The following KLF8 variants were observed in gnomAD, a reference collection of about 807,000 sequenced individuals.
The protein encoded by KLF8 is Krueppel-like factor 8.
A neutral mutation model predicts 18.2 loss-of-function variants in KLF8; 10 were observed. That is an observed-to-expected ratio of 0.55 (90% CI 0.34 to 0.93). The LOEUF is 0.93. KLF8 is among the 40% of genes least tolerant of loss of function. KLF8 has a pLI of 0.02. For missense variants in KLF8, 264 were observed against 277.9 expected, an observed-to-expected ratio of 0.95 and a Z score of 0.36; for synonymous variants, 109 against 97.3, an observed-to-expected ratio of 1.12 and a Z score of -0.71.
At chrX:56,134,045 C>A in the KLF8 span, among the ~76,000 whole-genome samples, 1 of 111,644 alleles carries the variant, frequency 9.0e-6, no homozygotes, top group Non-Finnish European at 1.9e-5. Flanking sequence ...ACATCTCATG[C>A]TCATGGATGG....
At chrX:56,179,869 A>T in the KLF8 span, among the ~76,000 whole-genome samples, 1 of 111,541 alleles carries the variant, frequency 9.0e-6, no homozygotes, top group Non-Finnish European at 1.9e-5. Flanking sequence ...AAGCTTTTTG[A>T]TGTGCTTCTG....
the KLF8 span, among the ~76,000 whole-genome samples, chrX:56,155,610 T>A: frequency 9.0e-6 from 1 of 111,711 alleles, no homozygotes. Flanking sequence ...ATAATAAAAA[T>A]AAAATTAAAA....
the KLF8 span, among the ~76,000 whole-genome samples, chrX:55,963,235 G>A: frequency 1.8e-5 from 2 of 111,861 alleles, no homozygotes; most frequent in Non-Finnish European, 3.8e-5. Flanking sequence ...ACCTTTCTCA[G>A]CAAAGAATAG....
the KLF8 span, among the ~76,000 whole-genome samples, chrX:56,172,741 A>C: frequency 9.0e-6 from 1 of 111,523 alleles, no homozygotes; most frequent in African/African-American, 3.3e-5. Flanking sequence ...AAGTGTTCCT[A>C]TTTCTCCACA....
chrX:56,193,346 AG>A, the KLF8 span, among the ~76,000 whole-genome samples: 1 of 112,131 alleles, frequency 8.9e-6, no homozygotes, highest in African/African-American at 3.2e-5. Flanking sequence ...CGCAGAGAAA[AG>A]GGAACACTTG....
chrX:56,253,750 CT>C (rs764605747), intron 2 of KLF8, among the ~76,000 whole-genome samples: 1 of 63,591 alleles, frequency 1.6e-5, no homozygotes, highest in Non-Finnish European at 3.1e-5. Flanking sequence ...TACATAATGT[CT>C]TTTTTTCTTT....
chrX:56,131,625 A>T, the KLF8 span, among the ~76,000 whole-genome samples: 2 of 111,808 alleles, frequency 1.8e-5, no homozygotes, highest in African/African-American at 6.5e-5. Flanking sequence ...ATGGAATACT[A>T]CCTCACATCT....
the KLF8 span, among the ~76,000 whole-genome samples, chrX:56,215,822 C>CAAAA: frequency 2.5e-3 from 80 of 31,380 alleles, 12 homozygotes; most frequent in African/African-American, 5.5e-3. Flanking sequence ...GACTCTGTCT[C>CAAAA]AAAAAAAAAA....
chrX:56,019,100 A>T, the KLF8 span, among the ~76,000 whole-genome samples: 887 of 111,813 alleles, frequency 7.9e-3, 11 homozygotes, highest in Admixed American at 0.016. Context: ...AGTCTGTTCA[A>T]TCTGCTTTGA....
chrX:55,945,136 T>A, the KLF8 span, among the ~76,000 whole-genome samples: 149 of 110,976 alleles, frequency 1.3e-3, no homozygotes, highest in Non-Finnish European at 1.5e-3. Flanking sequence ...TGTAGTTGAG[T>A]GGTTTTGAGT....
chrX:56,182,888 G>A, the KLF8 span, among the ~76,000 whole-genome samples: 1 of 112,413 alleles, frequency 8.9e-6, no homozygotes, highest in African/African-American at 3.2e-5. Context: ...ATACTGGGAA[G>A]TGTCTCCCAG....
At chrX:55,925,067 G>T in the KLF8 span, among the ~76,000 whole-genome samples, 5 of 102,591 alleles carry the variant, frequency 4.9e-5, no homozygotes, top group African/African-American at 1.1e-4. Flanking sequence ...CCCCATGTTG[G>T]CCAGGCTGGT....
chrX:56,191,401 T>A, the KLF8 span, among the ~76,000 whole-genome samples: 1 of 111,582 alleles, frequency 9.0e-6, no homozygotes, highest in Admixed American at 9.5e-5. Flanking sequence ...CAAATACCAC[T>A]CCTACTCAAA....
the KLF8 span, among the ~76,000 whole-genome samples, chrX:56,168,076 T>C: frequency 8.9e-6 from 1 of 111,779 alleles, no homozygotes; most frequent in Admixed American, 9.6e-5. Flanking sequence ...TTTTTTCCAA[T>C]AAACAATGGA....
chrX:55,987,422 C>G, the KLF8 span, among the ~76,000 whole-genome samples: 1 of 110,316 alleles, frequency 9.1e-6, no homozygotes, highest in Non-Finnish European at 1.9e-5. Flanking sequence ...CATTGTTCAA[C>G]TCCCACCCAT....
chrX:56,258,350 G>A (rs141661945), intron 2 of KLF8, among the ~76,000 whole-genome samples: 2,166 of 111,618 alleles, frequency 0.019, 52 homozygotes, highest in African/African-American at 0.068. Context: ...TCGGTTCACC[G>A]CAAGCTCCGC....
the KLF8 span, among the ~76,000 whole-genome samples, chrX:56,184,920 G>T: frequency 7.1e-5 from 8 of 112,016 alleles, no homozygotes; most frequent in South Asian, 3.0e-3. Flanking sequence ...CACAAAGATG[G>T]GGAAAAAACA....
the KLF8 span, among the ~76,000 whole-genome samples, chrX:56,125,560 G>A: frequency 8.0e-5 from 9 of 111,992 alleles, no homozygotes; most frequent in Non-Finnish European, 1.7e-4. Flanking sequence ...CTAGTGGTCG[G>A]CTATTGTTTC....
chrX:56,146,696 A>G, the KLF8 span, among the ~76,000 whole-genome samples: 2 of 82,750 alleles, frequency 2.4e-5, no homozygotes, highest in East Asian at 7.5e-4. Flanking sequence ...CATATACCCC[A>G]GAACTTAAAG....
Sources: allele counts gnomAD v4.1 joint callset (sites outside exome capture counted in the v4.1 genomes callset), GRCh38; gene constraint gnomAD v4.1.1; transcripts MANE v1.5; gene names NCBI Gene and HGNC (gene_info 2026-07-23, HGNC 2026-07-21).